The following ALKAL1 variants were observed in gnomAD, a reference collection of about 807,000 sequenced individuals.
ALKAL1 encodes AUG-beta.
Under a neutral mutation model 13.5 loss-of-function variants are expected in ALKAL1, and 23 were observed. That is an observed-to-expected ratio of 1.70 (90% CI 1.23 to 2.41). The LOEUF (loss-of-function observed/expected upper bound fraction) is 2.41, where lower values mean the gene tolerates loss of function less well. Among genes scored for constraint, ALKAL1 ranks in the 30% most tolerant of loss-of-function variants. The probability of loss-of-function intolerance (pLI) is 0.00; values close to 1 mark genes in which losing one functional copy is unlikely to be tolerated. For missense variants in ALKAL1, 181 were observed against 178.4 expected, an observed-to-expected ratio of 1.01 and a Z score of -0.08; for synonymous variants, 85 against 77.7, an observed-to-expected ratio of 1.09 and a Z score of -0.49.
intron 1 of ALKAL1, among the ~76,000 whole-genome samples, chr8:52,560,771 A>ATTTC (rs66522378): frequency 0.19 from 29,063 of 152,028 alleles, 3,678 homozygotes; most frequent in East Asian, 0.62. Flanking sequence ...GCATCTCAGA[A>ATTTC]TGAGTATTTA....
rs562608913 is a variant in ALKAL1, at chr8:52,551,303, TA to T, written c.191-8859del. Among the ~76,000 whole-genome samples the T allele has an allele frequency of 4.3e-3, 650 of 152,182 alleles. 5 individuals carry two copies. Among genetic ancestry groups the T allele is most frequent in the African/African-American group, 0.014 (580 of 41,486 alleles). On this transcript the variant is annotated intron_variant, in intron 1 of 4. Transcript: ENST00000358543. ...AATAGAAAATATTTATTTTTATTTT[TA>T]TTTTTTTAGAGACAGAGTCTTGCCC...
chr8:52,564,750 C>T (rs140184082), intron 1 of ALKAL1, among the ~76,000 whole-genome samples: 1 of 152,300 alleles, frequency 6.6e-6, no homozygotes, highest in Non-Finnish European at 1.5e-5. Context: ...ACCTGTCCAC[C>T]ACCCCTCGGT....
chr8:52,538,527 G>A lies in ALKAL1; in HGVS notation c.326-20C>T. ...TGTAATCTAGGAAAAACATTTAAAG[G>A]TAAATTATATATAGAGTTACTAGAA... On this transcript the variant is annotated intron_variant, in intron 3 of 4. Coordinates refer to ENST00000358543, the MANE Select transcript of ALKAL1 (RefSeq NM_207413.4). 1 of 1,513,722 alleles carries A rather than the reference G, an allele frequency of 6.6e-7. No homozygotes were observed. Among genetic ancestry groups the A allele is most frequent in the South Asian group, 1.2e-5 (1 of 86,510 alleles). 93.8% of individuals were successfully genotyped at this position (1,513,722 alleles called of 1,614,324 possible).
At chr8:52,553,467 C>T (rs1360525186) in intron 1 of ALKAL1, among the ~76,000 whole-genome samples, 1 of 152,204 alleles carries the variant, frequency 6.6e-6, no homozygotes, top group Non-Finnish European at 1.5e-5. Context: ...ACTCTGTACT[C>T]AACTGTGCCC....
In ALKAL1 at chr8:52,542,364, T is replaced by C. The variant is rs776744801; in HGVS notation, c.244+28A>G. ...GCACACAGTCTTTTTATTTAGTTAA[T>C]GGAATCACTGATACATTTTGTACTT... On this transcript the variant is annotated intron_variant, in intron 2 of 4. Transcript: ENST00000358543. 2.8e-6 allele frequency: 4 copies of C among 1,408,470 alleles called. No homozygotes were observed. In the Admixed American group the frequency reaches 5.7e-5, roughly 20 times the overall value. The allele number at this position is 1,408,470 out of a possible 1,614,324, so 87.2% of individuals were successfully genotyped here.
chr8:52,538,103 A>G (rs1225824404), intron 4 of ALKAL1, among the ~76,000 whole-genome samples: 1 of 151,170 alleles, frequency 6.6e-6, no homozygotes, highest in East Asian at 1.9e-4. Flanking sequence ...AAAAAAAAAA[A>G]GGCTAAAGAG....
chr8:52,561,072 T>C (rs955367287), intron 1 of ALKAL1, among the ~76,000 whole-genome samples: 4 of 152,172 alleles, frequency 2.6e-5, no homozygotes, highest in Admixed American at 6.5e-5. Flanking sequence ...CAAAAAATGA[T>C]TTTTAAAAAA....
At chr8:52,556,087 T>C (rs1847478834) in intron 1 of ALKAL1, among the ~76,000 whole-genome samples, 1 of 152,204 alleles carries the variant, frequency 6.6e-6, no homozygotes, top group African/African-American at 2.4e-5. Context: ...CCTTGTAATC[T>C]TCTATAACAA....
At position 52,542,389 on chromosome 8, in the gene ALKAL1, T is replaced by TA; in HGVS notation, c.244+2dup. On this transcript the variant is annotated splice_region_variant and intron_variant, in intron 2 of 4. Transcript: ENST00000358543. ...TGGAATCACTGATACATTTTGTACT[T>TA]ACCTGTGAAATGCTTTATGAATTTG... 1 of 1,527,840 alleles carries TA rather than the reference T, an allele frequency of 6.5e-7. No individual in the cohort carries two copies. Among genetic ancestry groups the TA allele is most frequent in the Non-Finnish European group, 9.0e-7 (1 of 1,107,664 alleles). The allele number at this position is 1,527,840 out of a possible 1,614,324, so 94.6% of individuals were successfully genotyped here. A position where few individuals can be genotyped will look rare whatever the true frequency, so the allele number is the denominator to read the frequency against.
chr8:52,545,205 C>T (rs1847357620), intron 1 of ALKAL1, among the ~76,000 whole-genome samples: 1 of 152,172 alleles, frequency 6.6e-6, no homozygotes, highest in South Asian at 2.1e-4. Flanking sequence ...GGCAAACCTG[C>T]CTCCCATTAA....
At chr8:52,557,037 G>A (rs896956200) in intron 1 of ALKAL1, among the ~76,000 whole-genome samples, 7 of 152,150 alleles carry the variant, frequency 4.6e-5, no homozygotes, top group African/African-American at 1.2e-4. Flanking sequence ...ATAGTTATAA[G>A]AAAAAGTTAC....
chr8:52,561,116 T>C (rs1393430479), intron 1 of ALKAL1, among the ~76,000 whole-genome samples: 1 of 152,156 alleles, frequency 6.6e-6, no homozygotes, highest in Non-Finnish European at 1.5e-5. Context: ...CCAGGTGATA[T>C]GCAAAGCAGC....
At chr8:52,551,482 A>G (rs1446529149) in intron 1 of ALKAL1, among the ~76,000 whole-genome samples, 1 of 119,662 alleles carries the variant, frequency 8.4e-6, no homozygotes, top group Non-Finnish European at 1.8e-5. Context: ...TTTTTTTTTT[A>G]CTTTTTGTAG....
In ALKAL1 at chr8:52,534,484, A is replaced by C; in HGVS notation, c.*129T>G. On this transcript the variant is annotated 3_prime_UTR_variant, in exon 5 of 5. Transcript: ENST00000358543. ...AAACAGCTAACCAGTTATTTCTGGG[A>C]AGTCTCTTATTTTACTCATCTTAAT... 2.2e-6 allele frequency: 1 copy of C among 464,700 alleles called. No individual in the cohort carries two copies. The highest frequency in any genetic ancestry group is 3.7e-6 in the Non-Finnish European group (1 of 267,326). 28.8% of individuals were successfully genotyped at this position (464,700 alleles called of 1,614,324 possible). A position where few individuals can be genotyped will look rare whatever the true frequency, so the allele number is the denominator to read the frequency against.
At chr8:52,555,256 G>A (rs141232667) in intron 1 of ALKAL1, among the ~76,000 whole-genome samples, 44 of 152,124 alleles carry the variant, frequency 2.9e-4, no homozygotes, top group African/African-American at 8.0e-4. Context: ...AGGAAGAGGC[G>A]ATGGAGGGCT....
At chr8:52,552,562 A>G (rs1489358587) in intron 1 of ALKAL1, among the ~76,000 whole-genome samples, 1 of 152,188 alleles carries the variant, frequency 6.6e-6, no homozygotes, top group East Asian at 1.9e-4. Context: ...TTTCTCCTCC[A>G]GTTATTTATT....
intron 4 of ALKAL1, among the ~76,000 whole-genome samples, chr8:52,537,995 C>T (rs1847278527): frequency 1.3e-5 from 2 of 151,570 alleles, no homozygotes; most frequent in Admixed American, 1.3e-4. Context: ...ACTTGAGAGG[C>T]TGAGGCAGGA....
chr8:52,556,048 A>C (rs1847478506), intron 1 of ALKAL1, among the ~76,000 whole-genome samples: 1 of 152,180 alleles, frequency 6.6e-6, no homozygotes, highest in Non-Finnish European at 1.5e-5. Flanking sequence ...AATGATGCAA[A>C]AATTGGCTAC....
At chr8:52,555,610 G>A (rs1847474981) in intron 1 of ALKAL1, among the ~76,000 whole-genome samples, 1 of 152,070 alleles carries the variant, frequency 6.6e-6, no homozygotes, top group Non-Finnish European at 1.5e-5. Context: ...CCTCTACTGG[G>A]CTTTCTGACT....
Sources: gnomAD v4.1 joint callset for allele counts (sites outside exome capture counted in the v4.1 genomes callset) on GRCh38, gnomAD v4.1.1 for gene constraint, MANE v1.5 for transcripts, NCBI Gene and HGNC (gene_info 2026-07-23, HGNC 2026-07-21) for gene names.